Variants in CEP112 observed in about 807,000 individuals in gnomAD.
CEP112 encodes centrosomal protein of 112 kDa.
CEP112 carries 127 observed loss-of-function variants against 153.0 expected under a neutral mutation model. The observed-to-expected ratio is 0.83, with a 90% confidence interval of 0.72 to 0.96. CEP112 has a LOEUF of 0.96. Ranked by LOEUF, CEP112 falls within the 40% of genes least tolerant of loss-of-function variation. The pLI, the probability that CEP112 is intolerant of heterozygous loss-of-function variation, is 0.00. For missense variants in CEP112, 1,089 were observed against 1,101.2 expected (o/e 0.99, Z 0.16); for synonymous variants, 358 against 374.4 (o/e 0.96, Z 0.51).
At chr17:65,761,237 T>A (rs2052595590) in intron 21 of CEP112, among the ~76,000 whole-genome samples, 1 of 151,952 alleles carries the variant, frequency 6.6e-6, no homozygotes, top group East Asian at 1.9e-4. Flanking sequence ...GTTTTCAAGT[T>A]CATTGATTTC....
At chr17:65,810,653 C>G (rs2055894929) in intron 21 of CEP112, among the ~76,000 whole-genome samples, 1 of 151,530 alleles carries the variant, frequency 6.6e-6, no homozygotes, top group Admixed American at 6.6e-5. Flanking sequence ...CACAGTATAA[C>G]TTAGAATAAT....
intron 8 of CEP112, among the ~76,000 whole-genome samples, chr17:66,093,783 C>T (rs2068232772): frequency 6.6e-6 from 1 of 152,100 alleles, no homozygotes; most frequent in Non-Finnish European, 1.5e-5. Flanking sequence ...CATGCAATCC[C>T]TATCAAAATT....
chr17:65,799,626 A>G (rs1341704321), intron 21 of CEP112, among the ~76,000 whole-genome samples: 1 of 152,262 alleles, frequency 6.6e-6, no homozygotes, highest in African/African-American at 2.4e-5. Flanking sequence ...TGCTGCCCTT[A>G]GGCAAGTCCT....
intron 24 of CEP112, among the ~76,000 whole-genome samples, chr17:65,668,898 T>A (rs902266671): frequency 7.9e-5 from 12 of 152,164 alleles, no homozygotes; most frequent in Non-Finnish European, 1.6e-4. Flanking sequence ...TCTCTCTCCA[T>A]CACTCCACTT....
chr17:66,145,002 TTTCAGC>T (rs1251836482), intron 4 of CEP112, among the ~76,000 whole-genome samples: 8 of 152,210 alleles, frequency 5.3e-5, no homozygotes, highest in Admixed American at 5.2e-4. Context: ...TGTATGAGAC[TTTCAGC>T]TTCATCACCT....
intron 18 of CEP112, among the ~76,000 whole-genome samples, chr17:65,949,410 C>T (rs1307133865): frequency 6.6e-6 from 1 of 152,100 alleles, no homozygotes. Flanking sequence ...GTTGCTGTTA[C>T]TATTAGTTTT....
At chr17:65,909,211 G>T (rs977616478) in intron 19 of CEP112, among the ~76,000 whole-genome samples, 1 of 152,146 alleles carries the variant, frequency 6.6e-6, no homozygotes, top group East Asian at 1.9e-4. Context: ...GGAAATGATG[G>T]TATAAAATAC....
intron 19 of CEP112, among the ~76,000 whole-genome samples, chr17:65,925,560 A>G (rs1373490743): frequency 6.6e-6 from 1 of 152,174 alleles, no homozygotes; most frequent in East Asian, 1.9e-4. Context: ...CTGCTTGATG[A>G]AGAATGTGCC....
At chr17:66,108,338 G>A (rs1242083042) in intron 6 of CEP112, among the ~76,000 whole-genome samples, 72 of 151,876 alleles carry the variant, frequency 4.7e-4, no homozygotes, top group Admixed American at 4.7e-3. Context: ...CACAACCAAG[G>A]AAACAATCAC....
chr17:65,919,466 A>C (rs558730112), intron 19 of CEP112, among the ~76,000 whole-genome samples: 27 of 152,330 alleles, frequency 1.8e-4, no homozygotes, highest in African/African-American at 6.5e-4. Context: ...AGAAAAGTAA[A>C]ACAAAATAAT....
intron 24 of CEP112, among the ~76,000 whole-genome samples, chr17:65,659,960 G>A (rs2046261469): frequency 6.6e-6 from 1 of 152,126 alleles, no homozygotes; most frequent in Non-Finnish European, 1.5e-5. Flanking sequence ...CTGAGGAAAG[G>A]GCAGGAAGCA....
intron 23 of CEP112, among the ~76,000 whole-genome samples, chr17:65,697,588 G>A (rs1014585867): frequency 6.6e-6 from 1 of 152,030 alleles, no homozygotes; most frequent in African/African-American, 2.4e-5. Context: ...AGAGGATCAA[G>A]CCCTGTCATC....
At chr17:66,070,825 T>C (rs1342583682) in intron 8 of CEP112, among the ~76,000 whole-genome samples, 1 of 152,144 alleles carries the variant, frequency 6.6e-6, no homozygotes, top group Non-Finnish European at 1.5e-5. Context: ...GCAGACCTCT[T>C]TTCCAACTCT....
intron 8 of CEP112, 151 bp from the exon 9 acceptor site, chr17:66,070,152 T>C: frequency 3.5e-6 from 2 of 570,510 alleles, no homozygotes; most frequent in East Asian, 2.9e-5. Flanking sequence ...ACATTACATA[T>C]ACCAATATGT....
chr17:65,972,241 G>A (rs567276617), intron 17 of CEP112, among the ~76,000 whole-genome samples: 1 of 152,250 alleles, frequency 6.6e-6, no homozygotes, highest in East Asian at 1.9e-4. Context: ...ATAAAAGAAA[G>A]ATATCTGGGA....
chr17:65,835,956 A>T (rs764554407), intron 21 of CEP112, among the ~76,000 whole-genome samples: 1 of 152,232 alleles, frequency 6.6e-6, no homozygotes, highest in Non-Finnish European at 1.5e-5. Flanking sequence ...TGAAGCATCA[A>T]AGAGTCAAAA....
At chr17:65,948,654 CAGTT>C (rs939807000) in intron 18 of CEP112, among the ~76,000 whole-genome samples, 46 of 151,800 alleles carry the variant, frequency 3.0e-4, no homozygotes, top group African/African-American at 1.1e-3. Context: ...ACATTTTACA[CAGTT>C]AGTTGCTGAG....
chr17:66,146,009 G>A (rs932456086), intron 4 of CEP112, among the ~76,000 whole-genome samples: 1 of 151,834 alleles, frequency 6.6e-6, no homozygotes, highest in Non-Finnish European at 1.5e-5. Flanking sequence ...TATATTAATA[G>A]ATCTGATTTG....
intron 19 of CEP112, among the ~76,000 whole-genome samples, chr17:65,915,581 C>T (rs1413783612): frequency 1.3e-5 from 2 of 151,806 alleles, no homozygotes; most frequent in Non-Finnish European, 2.9e-5. Flanking sequence ...GTCAGGAGTT[C>T]GAGACCAGCC....
Sources: gnomAD v4.1 joint callset for allele counts (sites outside exome capture counted in the v4.1 genomes callset) on GRCh38, gnomAD v4.1.1 for gene constraint, MANE v1.5 for transcripts, NCBI Gene and HGNC (gene_info 2026-07-23, HGNC 2026-07-21) for gene names.